The following SMIM31 variants were observed in gnomAD, a reference collection of about 807,000 sequenced individuals.
The protein encoded by SMIM31 is small integral membrane protein 31.
chr4:164,768,051 A>T (rs1732742838), intron 1 of SMIM31, among the ~76,000 whole-genome samples: 1 of 146,450 alleles, frequency 6.8e-6, no homozygotes, highest in Admixed American at 7.2e-5. Context: ...TGGGCAACAT[A>T]ATGAGACCTT....
chr4:164,794,382 C>T (rs1733160053), intron 2 of SMIM31, among the ~76,000 whole-genome samples: 1 of 150,002 alleles, frequency 6.7e-6, no homozygotes, highest in Non-Finnish European at 1.5e-5. Flanking sequence ...GACCCTGTCT[C>T]AGAAGAAAAA....
At chr4:164,780,572 T>C (rs907249159) in intron 2 of SMIM31, among the ~76,000 whole-genome samples, 1 of 152,252 alleles carries the variant, frequency 6.6e-6, no homozygotes, top group Non-Finnish European at 1.5e-5. Context: ...AAATAGAAGC[T>C]GTAAAAGGAT....
At chr4:164,781,868 GGAA>G (rs1427271440) in intron 2 of SMIM31, among the ~76,000 whole-genome samples, 1 of 152,232 alleles carries the variant, frequency 6.6e-6, no homozygotes, top group Non-Finnish European at 1.5e-5. Context: ...ATTAAGGCCA[GGAA>G]GAAGATTTGA....
At chr4:164,784,350 G>T (rs1358331056) in intron 2 of SMIM31, among the ~76,000 whole-genome samples, 2 of 152,162 alleles carry the variant, frequency 1.3e-5, no homozygotes, top group African/African-American at 2.4e-5. Flanking sequence ...TTTTATTTGT[G>T]GTGGGTAAAT....
At chr4:164,758,103 TC>T (rs1732590932) in intron 1 of SMIM31, among the ~76,000 whole-genome samples, 1 of 152,152 alleles carries the variant, frequency 6.6e-6, no homozygotes, top group African/African-American at 2.4e-5. Flanking sequence ...AGTGTATATA[TC>T]TTCTCTATTT....
chr4:164,782,737 AAATT>A (rs1342979161), intron 2 of SMIM31, among the ~76,000 whole-genome samples: 3 of 151,948 alleles, frequency 2.0e-5, no homozygotes, highest in Non-Finnish European at 2.9e-5. Flanking sequence ...CACATCAAAT[AAATT>A]AATATAGAAA....
At chr4:164,762,900 A>G (rs904526099) in intron 1 of SMIM31, among the ~76,000 whole-genome samples, 3 of 152,150 alleles carry the variant, frequency 2.0e-5, no homozygotes, top group Non-Finnish European at 4.4e-5. Flanking sequence ...GGAAAACCTA[A>G]AGATACCTGA....
chr4:164,781,564 A>T (rs1300692592), intron 2 of SMIM31, among the ~76,000 whole-genome samples: 1 of 152,180 alleles, frequency 6.6e-6, no homozygotes, highest in Non-Finnish European at 1.5e-5. Context: ...AGGCCAGATC[A>T]TTCTTTGTTG....
intron 2 of SMIM31, among the ~76,000 whole-genome samples, chr4:164,782,471 C>T (rs190540598): frequency 0.064 from 9,390 of 147,196 alleles, 871 homozygotes; most frequent in African/African-American, 0.2. Context: ...CTCCGCTTCC[C>T]AGGTTCACGC....
intron 1 of SMIM31, among the ~76,000 whole-genome samples, chr4:164,761,720 C>A (rs909666935): frequency 1.3e-5 from 2 of 151,266 alleles, no homozygotes; most frequent in East Asian, 3.9e-4. Flanking sequence ...AGTTCAAGAC[C>A]AGCCTGGCCA....
chr4:164,768,377 C>T (rs1454397854), intron 1 of SMIM31, among the ~76,000 whole-genome samples: 5 of 143,530 alleles, frequency 3.5e-5, no homozygotes, highest in African/African-American at 1.3e-4. Flanking sequence ...TGCAGTGAGC[C>T]GAAATCACAC....
At position 164,754,422 on chromosome 4, in the gene SMIM31, A is replaced by G. The variant is rs1268719666; in HGVS notation, c.-26+11A>G. The G allele has an allele frequency of 6.7e-6, 1 of 149,770 alleles. No individual in the cohort carries two copies. The highest frequency in any genetic ancestry group is 1.5e-5 in the Non-Finnish European group (1 of 67,640). The allele number at this position is 149,770 out of a possible 1,614,324, so 9.3% of individuals were successfully genotyped here. A position where few individuals can be genotyped will look rare whatever the true frequency, so the allele number is the denominator to read the frequency against. ...ACAGGAATGCTTCTGGTAAGTTTTT[A>G]TAAATCCCCTATTTTATTTACCTCA... On this transcript the variant is annotated intron_variant, in intron 1 of 2. Coordinates refer to ENST00000507311, the MANE Select transcript of SMIM31 (RefSeq NM_001352885.1).
Position 164,803,461 on chromosome 4 carries a change from G to C in SMIM31, c.*2267G>C, listed in dbSNP as rs978359292. On this transcript the variant is annotated 3_prime_UTR_variant, in exon 3 of 3. Coordinates refer to ENST00000507311, the MANE Select transcript of SMIM31 (RefSeq NM_001352885.1). ...AAAACCTGTCAAGTTAGATGTTAAA[G>C]AGGACATGTAAAATAAAATCTCCCT... 2.0e-5 allele frequency: 3 copies of C among 152,218 alleles called. No homozygotes were observed. Among genetic ancestry groups the C allele is most frequent in the African/African-American group, 7.2e-5 (3 of 41,526 alleles). The allele number at this position is 152,218 out of a possible 1,614,324, so 9.4% of individuals were successfully genotyped here. A position where few individuals can be genotyped will look rare whatever the true frequency, so the allele number is the denominator to read the frequency against.
chr4:164,758,622 C>CTTTTTTTTTTTTTTTTTTTTTTTTTT (rs779023276), intron 1 of SMIM31, among the ~76,000 whole-genome samples: 1 of 105,390 alleles, frequency 9.5e-6, no homozygotes, highest in African/African-American at 3.2e-5. Flanking sequence ...TGTAGTTTTC[C>CTTTTTTTTTTTTTTTTTTTTTTTTTT]TTTTTTTGTT....
chr4:164,802,851 AG>A lies in SMIM31; in HGVS notation c.*1660del, dbSNP rs1258219954. 6.6e-6 allele frequency: 1 copy of A among 152,264 alleles called. No individual in the cohort carries two copies. Among genetic ancestry groups the A allele is most frequent in the Non-Finnish European group, 1.5e-5 (1 of 68,070 alleles). 9.4% of individuals were successfully genotyped at this position (152,264 alleles called of 1,614,324 possible). ...CAGGTCAGAGTACTAAACATTTAAA[AG>A]GGCTCACTAAGTTAGAGAGGACAGA... is the stretch of plus-strand genomic sequence containing the variant. On this transcript the variant is annotated 3_prime_UTR_variant, in exon 3 of 3. Coordinates refer to ENST00000507311, the MANE Select transcript of SMIM31 (RefSeq NM_001352885.1).
chr4:164,765,528 G>A lies in SMIM31; in HGVS notation c.-25-4891G>A, dbSNP rs145301582. On this transcript the variant is annotated intron_variant, in intron 1 of 2. Coordinates refer to ENST00000507311, the MANE Select transcript of SMIM31 (RefSeq NM_001352885.1). ...TCCTACAGATAAAACGGAAAAAAGT[G>A]CCACTGGTTTCAGATTATTTAAATT... Among the ~76,000 whole-genome samples, 296 of 151,540 alleles carry A rather than the reference G, an allele frequency of 2.0e-3. 2 individuals carry two copies. Among genetic ancestry groups the A allele is most frequent in the African/African-American group, 6.8e-3 (280 of 41,238 alleles).
At chr4:164,771,760 G>A (rs773269328) in intron 2 of SMIM31, among the ~76,000 whole-genome samples, 20 of 152,266 alleles carry the variant, frequency 1.3e-4, no homozygotes, top group Admixed American at 2.6e-4. Flanking sequence ...AGTAATCTGA[G>A]ATTGCGCCAC....
intron 2 of SMIM31, among the ~76,000 whole-genome samples, chr4:164,796,416 C>A (rs943498688): frequency 6.6e-6 from 1 of 152,134 alleles, no homozygotes; most frequent in Non-Finnish European, 1.5e-5. Context: ...AATGCTGGAG[C>A]GCCTGGGACT....
intron 1 of SMIM31, among the ~76,000 whole-genome samples, chr4:164,759,790 G>A (rs9995535): frequency 0.47 from 71,842 of 151,906 alleles, 18,429 homozygotes; most frequent in Non-Finnish European, 0.57. Flanking sequence ...AAAAATCCTC[G>A]CCCTCATGAA....
Sources: gnomAD v4.1 joint callset for allele counts (sites outside exome capture counted in the v4.1 genomes callset) on GRCh38, gnomAD v4.1.1 for gene constraint, MANE v1.5 for transcripts, NCBI Gene and HGNC (gene_info 2026-07-23, HGNC 2026-07-21) for gene names.